Variants in CAPN8 observed in about 807,000 individuals in gnomAD.
CAPN8 encodes the protein calpain-8.
Under a neutral mutation model 80.9 loss-of-function variants are expected in CAPN8, and 87 were observed. The observed-to-expected ratio is 1.07, with a 90% CI of 0.90 to 1.28. CAPN8 has a LOEUF of 1.28. CAPN8 is among the 50% of genes most tolerant of loss of function. The pLI, the probability that CAPN8 is intolerant of heterozygous loss-of-function variation, is 0.00. For missense variants in CAPN8, 757 were observed against 702.0 expected (o/e 1.08, Z -0.89); for synonymous variants, 299 against 273.8 (o/e 1.09, Z -0.91).
intron 13 of CAPN8, among the ~76,000 whole-genome samples, 183 bp from the exon 14 acceptor site, chr1:223,554,083 G>C (rs1656856313): frequency 6.6e-6 from 1 of 152,236 alleles, no homozygotes; most frequent in Non-Finnish European, 1.5e-5. Context: ...GCCCCAGGGA[G>C]CTTACAGTCC....
At chr1:223,657,020 A>G (rs16841940) in intron 1 of CAPN8, among the ~76,000 whole-genome samples, 12,893 of 152,208 alleles carry the variant, frequency 0.085, 1,256 homozygotes, top group African/African-American at 0.23. Context: ...TCTTGTACGT[A>G]TGTCTTAGGA....
chr1:223,618,384 A>G (rs944025020), intron 9 of CAPN8: 1 of 1,446,308 alleles, frequency 6.9e-7, no homozygotes, highest in Non-Finnish European at 9.5e-7. Context: ...TTTGCACCAT[A>G]CTATCTCCAC....
chr1:223,624,713 CTAAATAAATAAA>C (rs71740935), intron 6 of CAPN8, among the ~76,000 whole-genome samples: 6,280 of 141,852 alleles, frequency 0.044, 356 homozygotes, highest in East Asian at 0.16. Flanking sequence ...GACCCTGTCT[CTAAATAAATAAA>C]TAAATAAATA....
intron 10 of CAPN8, among the ~76,000 whole-genome samples, chr1:223,615,082 A>T (rs1246281514): frequency 2.6e-5 from 4 of 152,258 alleles, no homozygotes; most frequent in African/African-American, 9.6e-5. Context: ...TGGGGTGCAG[A>T]TAGGATCTCG....
chr1:223,659,659 G>T (rs1658594018), intron 1 of CAPN8, among the ~76,000 whole-genome samples: 1 of 152,100 alleles, frequency 6.6e-6, no homozygotes, highest in African/African-American at 2.4e-5. Flanking sequence ...CCCATACATT[G>T]TGTTCATATT....
At chr1:223,662,458 A>G (rs1658671253) in intron 1 of CAPN8, among the ~76,000 whole-genome samples, 2 of 152,188 alleles carry the variant, frequency 1.3e-5, no homozygotes, top group Non-Finnish European at 2.9e-5. Flanking sequence ...CAAACAAAAA[A>G]AAAGAAAGAA....
At chr1:223,652,241 T>C (rs1356895517) in intron 2 of CAPN8, among the ~76,000 whole-genome samples, 1 of 151,602 alleles carries the variant, frequency 6.6e-6, no homozygotes, top group African/African-American at 2.4e-5. Context: ...GCTCAGGAGG[T>C]TGAGGTGGGA....
chr1:223,618,423 C>T lies in CAPN8; in HGVS notation c.1135+870G>A, dbSNP rs1657269151. ...GGTCTGAGTCCCCATGACACGCATG[C>T]CCTGTGTGTGGCCATCACGGCCCAC... On this transcript the variant is annotated intron_variant, in intron 9 of 20. Transcript: ENST00000366872. 4.3e-6 allele frequency: 5 copies of T among 1,150,506 alleles called. No individual in the cohort carries two copies. The South Asian group carries it at 5.9e-5, about 14-fold the overall frequency. 71.3% of individuals were successfully genotyped at this position (1,150,506 alleles called of 1,614,324 possible). A position where few individuals can be genotyped will look rare whatever the true frequency, so the allele number is the denominator to read the frequency against.
intron 1 of CAPN8, among the ~76,000 whole-genome samples, chr1:223,663,773 G>A (rs560996565): frequency 7.9e-5 from 12 of 152,336 alleles, no homozygotes; most frequent in African/African-American, 2.9e-4. Context: ...CATGGCCAAG[G>A]AGTTATTCTC....
intron 13 of CAPN8, among the ~76,000 whole-genome samples, chr1:223,554,293 C>T (rs1238627912): frequency 6.6e-6 from 1 of 152,164 alleles, no homozygotes; most frequent in Non-Finnish European, 1.5e-5. Flanking sequence ...AGTCTGAACT[C>T]CAGAAATTGC....
At chr1:223,612,107 T>C (rs1657043536) in intron 11 of CAPN8, 139 bp downstream of exon 11, 1 of 668,902 alleles carries the variant, frequency 1.5e-6, no homozygotes, top group East Asian at 3.5e-5. Context: ...CTCATGTGGT[T>C]TGATTCATGA....
intron 2 of CAPN8, among the ~76,000 whole-genome samples, chr1:223,652,017 G>A (rs571089972): frequency 2.6e-5 from 4 of 152,308 alleles, no homozygotes; most frequent in South Asian, 2.1e-4. Context: ...AGACTTCACC[G>A]GGTGCCTTTC....
chr1:223,652,876 C>T (rs1404139951), intron 2 of CAPN8, among the ~76,000 whole-genome samples: 1 of 152,080 alleles, frequency 6.6e-6, no homozygotes, highest in Non-Finnish European at 1.5e-5. Context: ...TGCTTCCAGC[C>T]TCCTTCTCCA....
intron 6 of CAPN8, 88 bp from the exon 7 acceptor site, chr1:223,622,988 A>C (rs1558344758): frequency 1.1e-5 from 12 of 1,048,758 alleles, no homozygotes; most frequent in Non-Finnish European, 1.7e-5. Flanking sequence ...ATCTGCATTA[A>C]ATTTTTCAAA....
Position 223,655,473 on chromosome 1 carries a change from C to A in CAPN8, c.238-1074G>T, listed in dbSNP as rs188759071. ...CGTTCTGTATCCAGTACCCTTTGAACCATGGCAGGCAGGGGAAAGAGGGAA... is the reference window on the plus strand; with the variant it reads ...CGTTCTGTATCCAGTACCCTTTGAAACATGGCAGGCAGGGGAAAGAGGGAA... On this transcript the variant is annotated intron_variant, in intron 1 of 20. Transcript: ENST00000366872. Among the ~76,000 whole-genome samples the A allele has an allele frequency of 2.0e-5, 3 of 152,178 alleles. No homozygotes were observed. The East Asian group carries it at 5.8e-4, about 29-fold the overall frequency.
Position 223,544,309 on chromosome 1 carries a change from T to C in CAPN8, c.1913-126A>G, listed in dbSNP as rs1656557762. Reference sequence around the variant, plus strand: ...TCTGTATCAATCTGCAAACCAGGCCTGACTCTGCCTTCTCCAGGGGATCCC... The same window carrying C: ...TCTGTATCAATCTGCAAACCAGGCCCGACTCTGCCTTCTCCAGGGGATCCC... On this transcript the variant is annotated intron_variant, in intron 18 of 20. Coordinates refer to ENST00000366872, the MANE Select transcript of CAPN8 (RefSeq NM_001143962.2). The C allele has an allele frequency of 1.6e-5, 10 of 627,084 alleles. No homozygotes were observed. The South Asian group carries it at 1.9e-4, about 12-fold the overall frequency. 38.8% of individuals were successfully genotyped at this position (627,084 alleles called of 1,614,324 possible).
At chr1:223,548,272 C>A (rs1437828390) in intron 16 of CAPN8, among the ~76,000 whole-genome samples, 1 of 152,288 alleles carries the variant, frequency 6.6e-6, no homozygotes, top group East Asian at 1.9e-4. Flanking sequence ...TGATAAATGG[C>A]AACCTGGACC....
chr1:223,619,222 A>G (rs1657300516), intron 9 of CAPN8, 71 bp downstream of exon 9: 5 of 1,518,444 alleles, frequency 3.3e-6, no homozygotes, highest in South Asian at 2.5e-5. Context: ...GCACCAAAAA[A>G]TTACATAAAA....
intron 11 of CAPN8, among the ~76,000 whole-genome samples, chr1:223,611,342 G>C (rs1572228704): frequency 6.6e-6 from 1 of 152,178 alleles, no homozygotes; most frequent in African/African-American, 2.4e-5. Flanking sequence ...CTGTTGCCTT[G>C]GCAACATCCA....
Sources: allele counts gnomAD v4.1 joint callset (sites outside exome capture counted in the v4.1 genomes callset), GRCh38; gene constraint gnomAD v4.1.1; transcripts MANE v1.5; gene names NCBI Gene and HGNC (gene_info 2026-07-23, HGNC 2026-07-21).